Variants in GPLD1 observed in about 807,000 individuals in gnomAD.
GPLD1 encodes glycosylphosphatidylinositol specific phospholipase D1.
A neutral mutation model predicts 112.6 loss-of-function variants in GPLD1; 84 were observed. The observed-to-expected ratio is 0.75, with a 90% CI of 0.63 to 0.89. GPLD1 has a LOEUF of 0.89. GPLD1 is among the 40% of genes least tolerant of loss of function. GPLD1 has a pLI of 0.00. For missense variants in GPLD1, 1,044 were observed against 1,051.5 expected (o/e 0.99, Z 0.10); for synonymous variants, 386 against 403.8 (o/e 0.96, Z 0.53).
chr6:24,490,745 C>T (rs58224035), upstream of GPLD1, among the ~76,000 whole-genome samples: 91 of 144,696 alleles, frequency 6.3e-4, 1 homozygote, highest in African/African-American at 1.8e-3. Flanking sequence ...GAGCAAGACC[C>T]TGTCTCAAAA....
rs1762242164 is a variant in GPLD1, at chr6:24,426,482, C to T, written c.*2550G>A. On this transcript the variant is annotated 3_prime_UTR_variant, in exon 25 of 25. Transcript: ENST00000230036. ...GGTTAAATGTCCTATAAACTTGAAGCTTGCTTCCATTTTTGTGGGTCTTAA... is the reference window on the plus strand; with the variant it reads ...GGTTAAATGTCCTATAAACTTGAAGTTTGCTTCCATTTTTGTGGGTCTTAA... Among the ~76,000 whole-genome samples, 1 of 131,156 alleles carries T rather than the reference C, an allele frequency of 7.6e-6. No individual in the cohort carries two copies. Among genetic ancestry groups the T allele is most frequent in the Non-Finnish European group, 1.7e-5 (1 of 60,466 alleles). 86.0% of individuals were successfully genotyped at this position (131,156 alleles called of 152,430 possible). A position where few individuals can be genotyped will look rare whatever the true frequency, so the allele number is the denominator to read the frequency against.
intron 20 of GPLD1, among the ~76,000 whole-genome samples, chr6:24,440,820 AAC>A (rs1300727128): frequency 3.3e-5 from 5 of 152,110 alleles, no homozygotes; most frequent in African/African-American, 9.7e-5. Context: ...GATATCTATA[AAC>A]ACACATTTTA....
chr6:24,435,836 A>AAAAAAATAAAAAAATAAAAAAAAT (rs1762559623), intron 22 of GPLD1: 2 of 146,528 alleles, frequency 1.4e-5, no homozygotes, highest in Non-Finnish European at 3.0e-5. Context: ...AAAAAAAAAA[A>AAAAAAATAAAAAAATAAAAAAAAT]AAAAAAAAAA....
In GPLD1 at chr6:24,427,278, C is replaced by G. The variant is rs1487665253; in HGVS notation, c.*1754G>C. Among the ~76,000 whole-genome samples the G allele has an allele frequency of 6.6e-6, 1 of 152,210 alleles. No homozygotes were observed. The highest frequency in any genetic ancestry group is 2.1e-4 in the South Asian group (1 of 4,834). On this transcript the variant is annotated 3_prime_UTR_variant, in exon 25 of 25. Transcript: ENST00000230036. ...CATCCTACGAAAAACAGCCCAGGAA[C>G]AAGCGAGGCCAAGGCCTGCTTTCCT...
upstream of GPLD1, among the ~76,000 whole-genome samples, chr6:24,490,386 G>C (rs979165940): frequency 6.6e-6 from 1 of 152,178 alleles, no homozygotes; most frequent in Non-Finnish European, 1.5e-5. Context: ...AAAAGCAAGA[G>C]ATGGGCTCCT....
chr6:24,429,013 G>C lies in GPLD1; in HGVS notation c.*19C>G, dbSNP rs778330893. 9.0e-6 allele frequency: 14 copies of C among 1,549,812 alleles called. No homozygotes were observed. The highest frequency in any genetic ancestry group is 1.7e-5 in the Admixed American group (1 of 59,328). Reference sequence around the variant, plus strand: ...CAGCATGAGAGAGGTGGGCAGAGTGGGGAAATGCAGTGAAATCTTCAATCT... The same window carrying C: ...CAGCATGAGAGAGGTGGGCAGAGTGCGGAAATGCAGTGAAATCTTCAATCT... On this transcript the variant is annotated 3_prime_UTR_variant, in exon 25 of 25. Coordinates refer to ENST00000230036, the MANE Select transcript of GPLD1 (RefSeq NM_001503.4).
Position 24,449,838 on chromosome 6 carries a change from T to A in GPLD1, c.1397A>T (p.Asp466Val). 6.2e-7 allele frequency: 1 copy of A among 1,613,418 alleles called. No individual in the cohort carries two copies. Among genetic ancestry groups the A allele is most frequent in the South Asian group, 1.1e-5 (1 of 90,982 alleles). ...VLDFNVDGVP[D>V]LAVGAPSVGS... ...CACCGAGGGAGCTCCCACGGCCAGGTCAGGCACGCCGTCCACGTTAAAGTC... is the reference window on the plus strand; with the variant it reads ...CACCGAGGGAGCTCCCACGGCCAGGACAGGCACGCCGTCCACGTTAAAGTC... Residue 466 changes from aspartate to valine, a missense_variant, in exon 15 of 25, where the codon GAC (aspartate) becomes GTC (valine). Asp to Val is a radical substitution (Grantham distance 152). Coordinates refer to ENST00000230036, the MANE Select transcript of GPLD1 (RefSeq NM_001503.4).
rs184126432 is a variant in GPLD1, at chr6:24,479,865, C to T, written c.232+16G>A. 2.0e-6 allele frequency: 3 copies of T among 1,512,062 alleles called. No individual in the cohort carries two copies. The highest frequency in any genetic ancestry group is 3.3e-5 in the Admixed American group (2 of 59,866). 93.7% of individuals were successfully genotyped at this position (1,512,062 alleles called of 1,614,324 possible). A position where few individuals can be genotyped will look rare whatever the true frequency, so the allele number is the denominator to read the frequency against. ...AGTAAAAGTGACTTCATTCAGTCTG[C>T]AAACTTTCATCTTACCTCCTTTGCA... On this transcript the variant is annotated intron_variant, in intron 3 of 24. Transcript: ENST00000230036.
intron 5 of GPLD1, among the ~76,000 whole-genome samples, chr6:24,474,016 C>T (rs1485868608): frequency 6.6e-6 from 1 of 151,946 alleles, no homozygotes; most frequent in Admixed American, 6.6e-5. Flanking sequence ...ATCCCAGCTA[C>T]TTGGGAGGCT....
intron 3 of GPLD1, among the ~76,000 whole-genome samples, chr6:24,479,243 A>T (rs958225236): frequency 3.3e-5 from 5 of 151,910 alleles, no homozygotes; most frequent in African/African-American, 1.2e-4. Context: ...AACATTCCAA[A>T]CTCTCTCACC....
intron 3 of GPLD1, among the ~76,000 whole-genome samples, chr6:24,478,108 A>G (rs770639193): frequency 1.2e-4 from 19 of 152,196 alleles, no homozygotes; most frequent in Non-Finnish European, 2.8e-4. Flanking sequence ...AATGGCGTAC[A>G]TTAAGCAATG....
chr6:24,466,794 G>A lies in GPLD1; in HGVS notation c.707C>T (p.Ser236Phe), dbSNP rs1763632300. The part of the protein sequence containing the change: ...SKLYPTYSTK[S>F]PFLVEQFQEY... The stretch of plus-strand genomic sequence containing the variant: ...TTGGAATTGTTCCACCAAAAACGGG[G>A]ACTTTGTAGAGTAAGTGGGATATAA... Residue 236 changes from serine (S) to phenylalanine (F), a missense_variant, in exon 10 of 25, where the codon TCC becomes TTC. Ser to Phe is a radical substitution (Grantham distance 155). Coordinates refer to ENST00000230036, the MANE Select transcript of GPLD1 (RefSeq NM_001503.4). 1 of 1,611,930 alleles carries A rather than the reference G, an allele frequency of 6.2e-7. No individual in the cohort carries two copies. The highest frequency in any genetic ancestry group is 1.1e-5 in the South Asian group (1 of 91,016).
chr6:24,451,887 G>A (rs1484816874), intron 14 of GPLD1, among the ~76,000 whole-genome samples: 1 of 152,220 alleles, frequency 6.6e-6, no homozygotes, highest in Non-Finnish European at 1.5e-5. Context: ...GGCTCTGCCA[G>A]CTGAGGACTG....
chr6:24,455,644 T>C (rs1248684140), intron 13 of GPLD1, among the ~76,000 whole-genome samples: 3 of 152,206 alleles, frequency 2.0e-5, no homozygotes, highest in Non-Finnish European at 4.4e-5. Context: ...TTTTACCATA[T>C]GAAGTTACAA....
At chr6:24,470,236 GCACCATGGAATATCACCAAACATGAC>G (rs1039297998) in intron 7 of GPLD1, among the ~76,000 whole-genome samples, 6 of 152,022 alleles carry the variant, frequency 3.9e-5, no homozygotes, top group Non-Finnish European at 8.8e-5. Context: ...ACTTATTCTA[GCACCATGGAATATCACCAAACATGAC>G]CAGTATAACT....
rs141698529 is a variant in GPLD1, at chr6:24,473,349, A to AATG, written c.490+267_490+269dup. On this transcript the variant is annotated intron_variant, in intron 6 of 24. Coordinates refer to ENST00000230036, the MANE Select transcript of GPLD1 (RefSeq NM_001503.4). The stretch of plus-strand genomic sequence containing the variant: ...GACACTAGCTAATGAATTTTAACCC[A>AATG]ATGTATAAGTAAAGTTTTTCTAAAA... 1,076 of 271,344 alleles carry AATG rather than the reference A, an allele frequency of 4.0e-3. 13 individuals are homozygous for AATG. The highest frequency in any genetic ancestry group is 0.022 in the African/African-American group (984 of 45,728). 16.8% of individuals were successfully genotyped at this position (271,344 alleles called of 1,614,324 possible).
rs1009285764 is a variant in GPLD1, at chr6:24,460,692, T to G, written c.888-293A>C. ...ATTCTTTCCAGATTATGAAAAAATTTAGCAACAGGTATCAGCTGGTGGGGA... is the reference window on the plus strand; with the variant it reads ...ATTCTTTCCAGATTATGAAAAAATTGAGCAACAGGTATCAGCTGGTGGGGA... On this transcript the variant is annotated intron_variant, in intron 11 of 24. Coordinates refer to ENST00000230036, the MANE Select transcript of GPLD1 (RefSeq NM_001503.4). Among the ~76,000 whole-genome samples the G allele has an allele frequency of 2.6e-5, 4 of 152,102 alleles. No individual in the cohort carries two copies. In the East Asian group the frequency reaches 7.7e-4, roughly 29 times the overall value.
At position 24,445,652 on chromosome 6, in the gene GPLD1, A is replaced by G. The variant is rs999380693; in HGVS notation, c.1927-13T>C. ...GTTTCCCCATTGCCTGTGAGACACA[A>G]TAAATCAATATTGTATAGGTGAGAA... On this transcript the variant is annotated splice_polypyrimidine_tract_variant and intron_variant, in intron 19 of 24. Coordinates refer to ENST00000230036, the MANE Select transcript of GPLD1 (RefSeq NM_001503.4). The G allele has an allele frequency of 3.7e-6, 6 of 1,609,178 alleles. No individual in the cohort carries two copies. In the African/African-American group the frequency reaches 8.0e-5, roughly 22 times the overall value.
At chr6:24,469,634 G>C (rs1406709623) in intron 7 of GPLD1, among the ~76,000 whole-genome samples, 2 of 115,004 alleles carry the variant, frequency 1.7e-5, no homozygotes, top group Non-Finnish European at 3.6e-5. Context: ...GTGGTGGGGT[G>C]GGGGGAGGGG....
Sources: gnomAD v4.1 joint callset for allele counts (sites outside exome capture counted in the v4.1 genomes callset) on GRCh38, gnomAD v4.1.1 for gene constraint, MANE v1.5 for transcripts, NCBI Gene and HGNC (gene_info 2026-07-23, HGNC 2026-07-21) for gene names.